SLC12A1: variants seen among roughly 807,000 people sequenced by gnomAD.
SLC12A1 encodes Na-K-2Cl cotransporter.
In SLC12A1, 89 loss-of-function variants were observed where a neutral mutation model predicts 130.4. The ratio of observed to expected loss-of-function variants is 0.68; its 90% CI spans 0.58 to 0.81. The LOEUF (loss-of-function observed/expected upper bound fraction) is 0.81, where lower values mean the gene tolerates loss of function less well. Ranked by LOEUF, SLC12A1 falls within the 40% of genes least tolerant of loss-of-function variation. SLC12A1 has a pLI of 0.00. For missense variants in SLC12A1, 1,310 were observed against 1,336.4 expected (o/e 0.98, Z 0.31); for synonymous variants, 499 against 460.0 (o/e 1.08, Z -1.09).
In SLC12A1 at chr15:48,288,067, C is replaced by G; in HGVS notation, c.2654C>G (p.Ser885Trp). The change falls in exon 22 of 27, where the codon TCG becomes TGG. Residue 885 changes from serine (S) to tryptophan (W), a missense_variant. Physicochemically the swap from Ser to Trp is radical, Grantham distance 177. Coordinates refer to ENST00000380993, the MANE Select transcript of SLC12A1 (RefSeq NM_000338.3). ...GATGGCAGCATTAACACAAGCCAGT[C>G]GATGCATGTGGGAGAGTTCAACCAG... ...KKDGSINTSQSMHVGEFNQKL... is the reference protein window; with the variant it reads ...KKDGSINTSQWMHVGEFNQKL... 1 of 1,610,812 alleles carries G rather than the reference C, an allele frequency of 6.2e-7. No individual in the cohort carries two copies. The highest frequency in any genetic ancestry group is 8.5e-7 in the Non-Finnish European group (1 of 1,178,558).
At chr15:48,296,068 G>A (rs1033885274) in intron 24 of SLC12A1, among the ~76,000 whole-genome samples, 1 of 152,214 alleles carries the variant, frequency 6.6e-6, no homozygotes, top group Non-Finnish European at 1.5e-5. Flanking sequence ...CTAAGGCTTA[G>A]AGAATAGAAC....
At chr15:48,254,160 T>C (rs1030882413) in intron 15 of SLC12A1, among the ~76,000 whole-genome samples, 1 of 152,126 alleles carries the variant, frequency 6.6e-6, no homozygotes, top group Non-Finnish European at 1.5e-5. Flanking sequence ...TTTATCTTTT[T>C]TTTTTAATGG....
At chr15:48,302,023 A>G (rs925369404) in intron 26 of SLC12A1, among the ~76,000 whole-genome samples, 3 of 152,338 alleles carry the variant, frequency 2.0e-5, no homozygotes, top group African/African-American at 4.8e-5. Context: ...ACAACTATCC[A>G]TCAAAGACAT....
intron 20 of SLC12A1, among the ~76,000 whole-genome samples, chr15:48,283,263 A>C (rs2042026146): frequency 6.6e-6 from 1 of 152,206 alleles, no homozygotes; most frequent in Admixed American, 6.5e-5. Context: ...GGAAAAGGAA[A>C]GGGTTACAGT....
At chr15:48,276,729 T>C (rs894446053) in intron 20 of SLC12A1, among the ~76,000 whole-genome samples, 1 of 152,092 alleles carries the variant, frequency 6.6e-6, no homozygotes. Context: ...CTAATGTGGA[T>C]TGAAACCACC....
At chr15:48,289,096 T>TAAA in intron 23 of SLC12A1, among the ~76,000 whole-genome samples, 1 of 146,218 alleles carries the variant, frequency 6.8e-6, no homozygotes, top group Non-Finnish European at 1.5e-5. Flanking sequence ...AACTCTTAAT[T>TAAA]AAAAAAAAAA....
intron 19 of SLC12A1, among the ~76,000 whole-genome samples, chr15:48,270,018 A>T (rs1370782565): frequency 1.3e-5 from 2 of 152,228 alleles, no homozygotes; most frequent in Non-Finnish European, 2.9e-5. Flanking sequence ...TAGAGTTACA[A>T]CCTTAAAATC....
At chr15:48,243,565 G>A (rs1324973492) in intron 10 of SLC12A1, among the ~76,000 whole-genome samples, 1 of 152,060 alleles carries the variant, frequency 6.6e-6, no homozygotes, top group Non-Finnish European at 1.5e-5. Flanking sequence ...CTGAGGCAGA[G>A]AATTGCTTGA....
At chr15:48,290,451 T>C (rs2141117870) in intron 23 of SLC12A1, among the ~76,000 whole-genome samples, 1 of 152,376 alleles carries the variant, frequency 6.6e-6, no homozygotes, top group African/African-American at 2.4e-5. Context: ...AGTCATTTAT[T>C]ATGTTATCAA....
At chr15:48,217,298 C>T (rs1489464555) in intron 2 of SLC12A1, among the ~76,000 whole-genome samples, 2 of 152,056 alleles carry the variant, frequency 1.3e-5, no homozygotes, top group Non-Finnish European at 2.9e-5. Flanking sequence ...AATTACTGCA[C>T]CAATTTCTTT....
At chr15:48,264,791 C>T (rs777230806) in intron 17 of SLC12A1, among the ~76,000 whole-genome samples, 3 of 152,088 alleles carry the variant, frequency 2.0e-5, no homozygotes, top group African/African-American at 4.8e-5. Context: ...CTGTTTGATC[C>T]GAATGGGGTT....
chr15:48,239,183 A>T (rs955593155), intron 9 of SLC12A1, among the ~76,000 whole-genome samples: 3 of 152,178 alleles, frequency 2.0e-5, no homozygotes, highest in African/African-American at 7.2e-5. Context: ...CTAATCATAC[A>T]TTAATATATT....
intron 4 of SLC12A1, chr15:48,225,431 CA>C (rs2041272189): frequency 6.6e-6 from 1 of 152,048 alleles, no homozygotes; most frequent in South Asian, 2.1e-4. Flanking sequence ...ATAACTTCTC[CA>C]AAGATGGAAT....
intron 2 of SLC12A1, among the ~76,000 whole-genome samples, chr15:48,220,131 G>GTGGA (rs1555464603): frequency 3.8e-5 from 4 of 105,738 alleles, no homozygotes; most frequent in African/African-American, 1.3e-4. Context: ...AAAAAAAAAG[G>GTGGA]TAGATAGATA....
chr15:48,241,274 G>GATGGCGT, intron 9 of SLC12A1, among the ~76,000 whole-genome samples: 1 of 152,248 alleles, frequency 6.6e-6, no homozygotes, highest in African/African-American at 2.4e-5. Flanking sequence ...ACTTCCTTCT[G>GATGGCGT]GACAGTTAGA....
At chr15:48,211,444 C>T (rs1273297751) in intron 2 of SLC12A1, among the ~76,000 whole-genome samples, 2 of 152,180 alleles carry the variant, frequency 1.3e-5, no homozygotes, top group African/African-American at 2.4e-5. Context: ...TGGCCCTTGA[C>T]ATTTTTATGG....
In SLC12A1 at chr15:48,285,163, A is replaced by G. The variant is rs185825362; in HGVS notation, c.2543A>G (p.Asn848Ser). The G allele has an allele frequency of 1.9e-6, 3 of 1,613,664 alleles. No homozygotes were observed. The East Asian group carries it at 6.7e-5, about 36-fold the overall frequency. The part of the protein sequence containing the change: ...RLALEATIKD[N>S]ECEEESGGIR... The stretch of plus-strand genomic sequence containing the variant: ...GCATTGGAAGCGACTATCAAAGATA[A>G]TGAGTGTGAAGAGGAAAGTGGAGGC... The change falls in exon 21 of 27, where the codon AAT becomes AGT. Residue 848 changes from asparagine to serine, a missense_variant. Coordinates refer to ENST00000380993, the MANE Select transcript of SLC12A1 (RefSeq NM_000338.3).
intron 19 of SLC12A1, 33 bp from the exon 20 acceptor site, chr15:48,274,538 T>A: frequency 6.7e-7 from 1 of 1,484,648 alleles, no homozygotes; most frequent in Non-Finnish European, 9.4e-7. Context: ...AAAGAGCCAT[T>A]TAAAACGCTG....
chr15:48,287,228 T>C (rs2042068382), intron 21 of SLC12A1, among the ~76,000 whole-genome samples: 1 of 152,204 alleles, frequency 6.6e-6, no homozygotes, highest in Non-Finnish European at 1.5e-5. Flanking sequence ...GTTCCAACAC[T>C]GGCCGAGTTC....
Sources: allele counts gnomAD v4.1 joint callset (sites outside exome capture counted in the v4.1 genomes callset), GRCh38; gene constraint gnomAD v4.1.1; transcripts MANE v1.5; gene names NCBI Gene and HGNC (gene_info 2026-07-23, HGNC 2026-07-21).